The following PEX5L variants were observed in gnomAD, a reference collection of about 807,000 sequenced individuals.
The protein encoded by PEX5L is PEX5-related protein.
PEX5L carries 30 observed loss-of-function variants against 84.0 expected under a neutral mutation model. The ratio of observed to expected loss-of-function variants is 0.36; its 90% CI spans 0.27 to 0.48. PEX5L has a LOEUF of 0.48. PEX5L is among the 20% of genes least tolerant of loss of function. PEX5L has a pLI of 0.99. For synonymous variants in PEX5L, 270 were observed against 283.1 expected, an observed-to-expected ratio of 0.95 and a Z score of 0.46; for missense variants, 533 against 754.6, an observed-to-expected ratio of 0.71 and a Z score of 3.44.
chr3:179,809,073 C>CAAAAAAAAAAAAAAAAA (rs10684376), intron 12 of PEX5L, among the ~76,000 whole-genome samples: 3 of 47,772 alleles, frequency 6.3e-5, no homozygotes, highest in East Asian at 7.5e-4. Context: ...GATTCCGCCT[C>CAAAAAAAAAAAAAAAAA]AAAAAAAAAA....
chr3:179,942,833 C>A (rs1776522438), intron 2 of PEX5L, among the ~76,000 whole-genome samples: 1 of 152,202 alleles, frequency 6.6e-6, no homozygotes, highest in Admixed American at 6.5e-5. Flanking sequence ...TTTTCTTCCT[C>A]TCTCCATTTT....
At chr3:179,995,848 C>A (rs575801792) in intron 1 of PEX5L, among the ~76,000 whole-genome samples, 1 of 152,096 alleles carries the variant, frequency 6.6e-6, no homozygotes, top group Non-Finnish European at 1.5e-5. Flanking sequence ...TTAAAGTGAG[C>A]GCATTGATTG....
At chr3:179,875,502 G>T in intron 5 of PEX5L, 25 bp from the exon 6 acceptor site, 1 of 1,603,568 alleles carries the variant, frequency 6.2e-7, no homozygotes, top group Non-Finnish European at 8.5e-7. Flanking sequence ...GGAAGCAGGT[G>T]AGGCAGGTGG....
chr3:179,973,132 T>C, intron 1 of PEX5L: 1 of 1,229,866 alleles, frequency 8.1e-7, no homozygotes, highest in Non-Finnish European at 1.0e-6. Context: ...TAGAAGTGCC[T>C]TTCCAAATAT....
intron 12 of PEX5L, among the ~76,000 whole-genome samples, chr3:179,809,116 A>G (rs544778368): frequency 7.6e-5 from 11 of 144,628 alleles, no homozygotes; most frequent in Admixed American, 2.8e-4. Flanking sequence ...CAAAATTTCT[A>G]GAAGACGAGA....
At chr3:179,918,904 T>G (rs182214600) in intron 2 of PEX5L, among the ~76,000 whole-genome samples, 2 of 152,242 alleles carry the variant, frequency 1.3e-5, no homozygotes, top group East Asian at 3.9e-4. Context: ...AAGAAAAGGG[T>G]TCTTACGGAA....
chr3:179,979,902 C>T (rs959318846), intron 1 of PEX5L, among the ~76,000 whole-genome samples: 30 of 152,294 alleles, frequency 2.0e-4, no homozygotes, highest in African/African-American at 7.0e-4. Flanking sequence ...GACTCCTCTT[C>T]CTTCTCACTG....
intron 8 of PEX5L, among the ~76,000 whole-genome samples, chr3:179,840,184 T>TGTGTG (rs1553850525): frequency 7.6e-3 from 219 of 28,976 alleles, no homozygotes; most frequent in Middle Eastern, 0.037. Context: ...TGTGTGTGTG[T>TGTGTG]TTTTTTTTTT....
intron 2 of PEX5L, among the ~76,000 whole-genome samples, chr3:179,904,802 TCTC>T (rs1056072297): frequency 1.1e-4 from 16 of 152,078 alleles, no homozygotes; most frequent in Admixed American, 6.5e-5. Flanking sequence ...AATTGGCCCT[TCTC>T]CTTCTGAGTT....
intron 5 of PEX5L, among the ~76,000 whole-genome samples, chr3:179,879,687 C>T (rs1238704396): frequency 6.6e-6 from 1 of 152,160 alleles, no homozygotes; most frequent in Non-Finnish European, 1.5e-5. Context: ...GCACCCAGCA[C>T]CTATCTATAA....
At chr3:179,910,729 T>TTAGAA (rs1764879202) in intron 2 of PEX5L, among the ~76,000 whole-genome samples, 1 of 152,162 alleles carries the variant, frequency 6.6e-6, no homozygotes, top group African/African-American at 2.4e-5. Flanking sequence ...TTTAGATGAG[T>TTAGAA]TAGAACCCTG....
intron 8 of PEX5L, among the ~76,000 whole-genome samples, chr3:179,839,816 T>G (rs2109327657): frequency 6.6e-6 from 1 of 152,346 alleles, no homozygotes; most frequent in South Asian, 2.1e-4. Flanking sequence ...ACATAGTTAT[T>G]AGCACTGCAA....
intron 7 of PEX5L, among the ~76,000 whole-genome samples, chr3:179,868,211 G>C (rs1049969124): frequency 6.6e-6 from 1 of 151,910 alleles, no homozygotes; most frequent in African/African-American, 2.4e-5. Context: ...CTAATGGGTT[G>C]ATTTGAGTCC....
chr3:179,861,471 G>A (rs1274555566), intron 7 of PEX5L, among the ~76,000 whole-genome samples: 4 of 152,218 alleles, frequency 2.6e-5, no homozygotes, highest in Non-Finnish European at 4.4e-5. Flanking sequence ...AAAATGCAAG[G>A]CCCGCAGGCA....
chr3:180,016,173 A>G (rs13323019), intron 1 of PEX5L, among the ~76,000 whole-genome samples: 2,237 of 152,148 alleles, frequency 0.015, 69 homozygotes, highest in African/African-American at 0.051. Context: ...ATTTTATTCT[A>G]ATGTGTTAAT....
intron 1 of PEX5L, among the ~76,000 whole-genome samples, chr3:180,015,119 G>T (rs747339846): frequency 3.9e-5 from 6 of 152,196 alleles, no homozygotes; most frequent in South Asian, 2.1e-4. Flanking sequence ...GGCAGAAAGG[G>T]CTCTGTCTCA....
At chr3:179,911,059 G>A (rs1374842273) in intron 2 of PEX5L, among the ~76,000 whole-genome samples, 6 of 152,268 alleles carry the variant, frequency 3.9e-5, no homozygotes, top group East Asian at 3.9e-4. Flanking sequence ...ACCAGGTAGC[G>A]CACTCCAGAC....
chr3:179,805,327 A>T (rs1720878363), intron 14 of PEX5L, among the ~76,000 whole-genome samples: 1 of 152,090 alleles, frequency 6.6e-6, no homozygotes, highest in South Asian at 2.1e-4. Context: ...GTTAAATGTG[A>T]ACTTCAGATA....
Position 179,880,138 on chromosome 3 carries a change from A to G in PEX5L, c.311-15T>C, listed in dbSNP as rs754434104. On this transcript the variant is annotated splice_polypyrimidine_tract_variant and intron_variant, in intron 4 of 14. Coordinates refer to ENST00000467460, the MANE Select transcript of PEX5L (RefSeq NM_016559.3). ...AGTGGTCAATACTACCAGAAATGGA[A>G]GAGGTTAAGATAAGCCCATTTACTA... 1.9e-6 allele frequency: 3 copies of G among 1,549,452 alleles called. No individual in the cohort carries two copies. In the South Asian group the frequency reaches 3.6e-5, roughly 18 times the overall value.
Sources: gnomAD v4.1 joint callset for allele counts (sites outside exome capture counted in the v4.1 genomes callset) on GRCh38, gnomAD v4.1.1 for gene constraint, MANE v1.5 for transcripts, NCBI Gene and HGNC (gene_info 2026-07-23, HGNC 2026-07-21) for gene names.